TMEFF2: variants seen among roughly 807,000 people sequenced by gnomAD.
TMEFF2 encodes the protein tomoregulin-2.
In TMEFF2, 28 loss-of-function variants were observed where a neutral mutation model predicts 53.8. The ratio of observed to expected loss-of-function variants is 0.52; its 90% confidence interval spans 0.39 to 0.71. The LOEUF is 0.71. Ranked by LOEUF, TMEFF2 falls within the 30% of genes least tolerant of loss-of-function variation. The probability of loss-of-function intolerance (pLI) is 0.00; values close to 1 mark genes in which losing one functional copy is unlikely to be tolerated. For missense variants in TMEFF2, 353 were observed against 455.2 expected (o/e 0.78, Z 2.04); for synonymous variants, 162 against 166.3 (o/e 0.97, Z 0.20).
intron 7 of TMEFF2, among the ~76,000 whole-genome samples, chr2:191,957,256 T>C (rs1692132008): frequency 6.6e-6 from 1 of 152,020 alleles, no homozygotes; most frequent in African/African-American, 2.4e-5. Flanking sequence ...CTTAATATGT[T>C]CATTTTATGA....
At chr2:191,979,767 T>C in intron 7 of TMEFF2, among the ~76,000 whole-genome samples, 1 of 151,890 alleles carries the variant, frequency 6.6e-6, no homozygotes, top group Non-Finnish European at 1.5e-5. Context: ...AAAAAAAAAT[T>C]AAACCCTCTA....
intron 4 of TMEFF2, among the ~76,000 whole-genome samples, chr2:192,150,915 T>C (rs910804293): frequency 2.6e-5 from 4 of 151,838 alleles, no homozygotes; most frequent in Non-Finnish European, 5.9e-5. Context: ...GATTCATTAC[T>C]TTGGTGATAT....
chr2:192,136,690 G>A (rs181301282), intron 4 of TMEFF2, among the ~76,000 whole-genome samples: 12 of 150,516 alleles, frequency 8.0e-5, no homozygotes, highest in East Asian at 7.8e-4. Context: ...CCATCTCCCC[G>A]CTCTCTCTCT....
chr2:192,011,657 A>C (rs533767957), intron 5 of TMEFF2, among the ~76,000 whole-genome samples: 18 of 152,334 alleles, frequency 1.2e-4, no homozygotes, highest in African/African-American at 4.3e-4. Flanking sequence ...TATCATTTTT[A>C]TGAAACCAAC....
chr2:192,102,801 C>T (rs1029064299), intron 4 of TMEFF2, among the ~76,000 whole-genome samples: 3 of 151,686 alleles, frequency 2.0e-5, no homozygotes, highest in East Asian at 3.9e-4. Context: ...GAAATCCTGA[C>T]TTCAGGTGAT....
chr2:192,133,386 A>G (rs1050269057), intron 4 of TMEFF2, among the ~76,000 whole-genome samples: 1 of 151,752 alleles, frequency 6.6e-6, no homozygotes, highest in African/African-American at 2.4e-5. Flanking sequence ...AATCACCCTT[A>G]CCCCACTCAA....
chr2:192,089,996 T>C (rs1688755215), intron 4 of TMEFF2, among the ~76,000 whole-genome samples: 1 of 152,200 alleles, frequency 6.6e-6, no homozygotes, highest in Admixed American at 6.6e-5. Context: ...CATCCACCAG[T>C]TGACTGCAAT....
chr2:192,175,621 T>C (rs1223733614), intron 4 of TMEFF2, among the ~76,000 whole-genome samples: 2 of 151,456 alleles, frequency 1.3e-5, no homozygotes, highest in Non-Finnish European at 3.0e-5. Flanking sequence ...TATATAAATA[T>C]ATAAATTGTA....
At chr2:192,068,985 T>C (rs1020900395) in intron 4 of TMEFF2, among the ~76,000 whole-genome samples, 1 of 151,606 alleles carries the variant, frequency 6.6e-6, no homozygotes, top group Non-Finnish European at 1.5e-5. Flanking sequence ...TTTTTTTTTT[T>C]CTTCTGGAAT....
chr2:192,091,956 T>G (rs530974353), intron 4 of TMEFF2, among the ~76,000 whole-genome samples: 2 of 152,314 alleles, frequency 1.3e-5, no homozygotes, highest in South Asian at 4.1e-4. Flanking sequence ...TTAGTGTGAC[T>G]ACTTCCTCTT....
At chr2:192,177,932 G>A (rs1343015337) in intron 4 of TMEFF2, 2 of 150,918 alleles carry the variant, frequency 1.3e-5, no homozygotes, top group Non-Finnish European at 3.0e-5. Flanking sequence ...ACTAGTATGT[G>A]AAACAAAGTT....
At chr2:192,014,609 G>A (rs1165657938) in intron 5 of TMEFF2, among the ~76,000 whole-genome samples, 1 of 152,158 alleles carries the variant, frequency 6.6e-6, no homozygotes, top group Non-Finnish European at 1.5e-5. Flanking sequence ...TTTCCCAACT[G>A]AGCAGTTTCT....
chr2:191,993,988 TAA>T (rs1475380126), intron 7 of TMEFF2, among the ~76,000 whole-genome samples: 2 of 152,074 alleles, frequency 1.3e-5, no homozygotes, highest in Non-Finnish European at 2.9e-5. Flanking sequence ...AATAAAAATC[TAA>T]GTTTCATTTA....
Position 192,118,911 on chromosome 2 carries a change from A to G in TMEFF2, c.439+60757T>C, listed in dbSNP as rs546459464. On this transcript the variant is annotated intron_variant, in intron 4 of 9. Transcript: ENST00000272771. ...AATATTATTGTTATATATTTTACCA[A>G]ATTATTTAGAAAATAGGTAAGCATA... is the stretch of plus-strand genomic sequence containing the variant. 1.2e-3 allele frequency among the ~76,000 whole-genome samples: 180 copies of G among 152,276 alleles called. 1 individual carries two copies. Among genetic ancestry groups the G allele is most frequent in the African/African-American group, 3.8e-3 (157 of 41,570 alleles).
At chr2:192,088,448 G>T (rs1392488229) in intron 4 of TMEFF2, among the ~76,000 whole-genome samples, 1 of 152,110 alleles carries the variant, frequency 6.6e-6, no homozygotes, top group Admixed American at 6.6e-5. Flanking sequence ...TGCAAAGAGG[G>T]CCGGGTGTCA....
intron 4 of TMEFF2, among the ~76,000 whole-genome samples, chr2:192,120,066 A>G (rs1000533426): frequency 6.6e-6 from 1 of 152,212 alleles, no homozygotes; most frequent in Non-Finnish European, 1.5e-5. Flanking sequence ...CCCTAAGTTA[A>G]GGAAACAAAA....
chr2:192,010,207 G>A (rs1686592098), intron 5 of TMEFF2, among the ~76,000 whole-genome samples: 1 of 152,058 alleles, frequency 6.6e-6, no homozygotes, highest in Non-Finnish European at 1.5e-5. Context: ...AACACATGGT[G>A]GCATTTTAGT....
chr2:191,959,569 G>A (rs1333438094), intron 7 of TMEFF2, among the ~76,000 whole-genome samples: 2 of 152,144 alleles, frequency 1.3e-5, no homozygotes, highest in Non-Finnish European at 2.9e-5. Flanking sequence ...GGGTAGAAAG[G>A]GGGCAAAGCC....
At chr2:192,185,184 G>A (rs1382236217) in intron 2 of TMEFF2, among the ~76,000 whole-genome samples, 1 of 151,894 alleles carries the variant, frequency 6.6e-6, no homozygotes, top group East Asian at 1.9e-4. Context: ...ATTCCATAAA[G>A]AGAAAAGTTC....
Sources: gnomAD v4.1 joint callset for allele counts (sites outside exome capture counted in the v4.1 genomes callset) on GRCh38, gnomAD v4.1.1 for gene constraint, MANE v1.5 for transcripts, NCBI Gene and HGNC (gene_info 2026-07-23, HGNC 2026-07-21) for gene names.